MYOF: variants seen among roughly 807,000 people sequenced by gnomAD.
MYOF encodes the protein fer-1-like 3, myoferlin.
In MYOF, 244 loss-of-function variants were observed where a neutral mutation model predicts 284.2. The ratio of observed to expected loss-of-function variants is 0.86; its 90% CI spans 0.77 to 0.95. MYOF has a LOEUF of 0.95. Among genes scored for constraint, MYOF ranks in the 40% least tolerant of loss-of-function variants. The pLI is 0.00. For missense variants in MYOF, 2,496 were observed against 2,560.6 expected (o/e 0.97, Z 0.54); for synonymous variants, 904 against 919.7 (o/e 0.98, Z 0.31).
chr10:93,333,063 G>A (rs1258753364), intron 43 of MYOF, among the ~76,000 whole-genome samples, 158 bp downstream of exon 43: 1 of 152,000 alleles, frequency 6.6e-6, no homozygotes, highest in Non-Finnish European at 1.5e-5. Context: ...CTTTTATTTT[G>A]GGTTTATCTA....
chr10:93,445,024 A>T (rs1376914687), intron 3 of MYOF, among the ~76,000 whole-genome samples: 1 of 152,234 alleles, frequency 6.6e-6, no homozygotes, highest in Non-Finnish European at 1.5e-5. Flanking sequence ...CAGTATAAAA[A>T]TGCTTAAAAT....
chr10:93,470,654 G>A (rs770154805), intron 1 of MYOF, among the ~76,000 whole-genome samples: 2 of 152,012 alleles, frequency 1.3e-5, no homozygotes, highest in African/African-American at 4.8e-5. Flanking sequence ...TGCTCACCTC[G>A]GCCTCCCAAA....
At chr10:93,408,340 C>T (rs1172026997) in intron 7 of MYOF, among the ~76,000 whole-genome samples, 2 of 151,994 alleles carry the variant, frequency 1.3e-5, no homozygotes, top group Non-Finnish European at 2.9e-5. Context: ...TTCAGGAGTT[C>T]GAGACCAGAC....
chr10:93,394,661 C>A (rs1276319083), intron 16 of MYOF, among the ~76,000 whole-genome samples: 1 of 148,692 alleles, frequency 6.7e-6, no homozygotes, highest in Non-Finnish European at 1.5e-5. Flanking sequence ...GGGGTTTCAC[C>A]GTGTTAGCCA....
chr10:93,318,673 G>A (rs1323525446), intron 49 of MYOF, among the ~76,000 whole-genome samples: 2 of 152,046 alleles, frequency 1.3e-5, no homozygotes, highest in Non-Finnish European at 2.9e-5. Flanking sequence ...CAGGAGAATA[G>A]CTTGAATCCA....
In MYOF at chr10:93,340,053, C is replaced by T. The variant is rs963366690; in HGVS notation, c.4338+100G>A. On this transcript the variant is annotated intron_variant, in intron 39 of 53. Transcript: ENST00000359263. ...CAAGATCGCGCCACTGCACTCCAGC[C>T]TGGGTGAAAGAGCGAGACTCCTTCT... 1.7e-5 allele frequency: 22 copies of T among 1,331,586 alleles called. No homozygotes were observed. In the East Asian group the frequency reaches 5.3e-4, roughly 32 times the overall value. 82.5% of individuals were successfully genotyped at this position (1,331,586 alleles called of 1,614,324 possible).
intron 5 of MYOF, among the ~76,000 whole-genome samples, chr10:93,418,246 T>A (rs1440648345): frequency 6.6e-6 from 1 of 152,190 alleles, no homozygotes; most frequent in Admixed American, 6.5e-5. Flanking sequence ...CAGTGTAAGC[T>A]AAAAGGACAA....
Position 93,408,876 on chromosome 10 carries a change from T to C in MYOF, c.640A>G (p.Asn214Asp). 1 of 1,614,222 alleles carries C rather than the reference T, an allele frequency of 6.2e-7. No homozygotes were observed. The highest frequency in any genetic ancestry group is 8.5e-7 in the Non-Finnish European group (1 of 1,180,028). ...RVIEGRQLSG[N>D]NIRPVVKVHV... ...ACTTTGACCACAGGCCTTATGTTGT[T>C]ACCACTTAACTGTCGGCCCTCAATC... The change falls in exon 7 of 54, where the codon AAC (asparagine) becomes GAC (aspartate). Residue 214 changes from asparagine (N) to aspartate (D), a missense_variant. By Grantham distance (23) the Asn-to-Asp change is conservative. Around this residue, in one of 3 missense-constraint regions of MYOF, gnomAD observed 2,436 missense variants for 2,480.7 expected, o/e 0.98. Transcript: ENST00000359263.
chr10:93,464,484 G>A (rs760026846), intron 1 of MYOF, among the ~76,000 whole-genome samples: 4 of 152,114 alleles, frequency 2.6e-5, no homozygotes, highest in African/African-American at 7.2e-5. Context: ...AATACACACC[G>A]TCTCACTGAT....
chr10:93,380,113 G>A (rs1846045208), intron 20 of MYOF, 126 bp from the exon 21 acceptor site: 5 of 1,214,250 alleles, frequency 4.1e-6, no homozygotes, highest in Admixed American at 5.0e-5. Flanking sequence ...GAGGTGGTCT[G>A]GTTCTTTAAT....
intron 17 of MYOF, 44 bp downstream of exon 17, chr10:93,392,873 T>C (rs1428349254): frequency 1.3e-6 from 2 of 1,540,104 alleles, no homozygotes; most frequent in South Asian, 1.1e-5. Context: ...AAGATAATAT[T>C]AGCTAGGAAG....
chr10:93,313,362 A>G, intron 50 of MYOF, 152 bp from the exon 51 acceptor site: 1 of 676,680 alleles, frequency 1.5e-6, no homozygotes, highest in African/African-American at 1.8e-5. Context: ...GTGGACATTT[A>G]AAGTCTTTCC....
At chr10:93,342,968 A>C (rs901472276) in intron 38 of MYOF, among the ~76,000 whole-genome samples, 1 of 152,206 alleles carries the variant, frequency 6.6e-6, no homozygotes, top group African/African-American at 2.4e-5. Flanking sequence ...AGAATCAAAC[A>C]CACTGCTGCA....
intron 21 of MYOF, among the ~76,000 whole-genome samples, 177 bp from the exon 22 acceptor site, chr10:93,377,606 A>G (rs1207292100): frequency 6.6e-6 from 1 of 152,232 alleles, no homozygotes; most frequent in East Asian, 1.9e-4. Context: ...CCAGAAATAA[A>G]ACAGATCTAA....
intron 40 of MYOF, among the ~76,000 whole-genome samples, chr10:93,336,596 A>G (rs1240666811): frequency 6.6e-6 from 1 of 152,192 alleles, no homozygotes; most frequent in African/African-American, 2.4e-5. Flanking sequence ...AATTGACTGG[A>G]AAGGGACACG....
chr10:93,344,044 G>A lies in MYOF; in HGVS notation c.4250-112C>T, dbSNP rs544246632. On this transcript the variant is annotated intron_variant, in intron 37 of 53. Coordinates refer to ENST00000359263, the MANE Select transcript of MYOF (RefSeq NM_013451.4). ...AGGGTGGATGGTAGAGTTTATTCTTGGATGGGACTTACAGAATAGAGAGGA... is the reference window on the plus strand; with the variant it reads ...AGGGTGGATGGTAGAGTTTATTCTTAGATGGGACTTACAGAATAGAGAGGA... 3.4e-5 allele frequency: 37 copies of A among 1,090,640 alleles called. No homozygotes were observed. The East Asian group carries it at 8.7e-4, about 26-fold the overall frequency. The allele number at this position is 1,090,640 out of a possible 1,614,324, so 67.6% of individuals were successfully genotyped here.
At chr10:93,339,601 C>T (rs937269830) in intron 39 of MYOF, among the ~76,000 whole-genome samples, 42 of 140,468 alleles carry the variant, frequency 3.0e-4, no homozygotes, top group African/African-American at 1.0e-3. Flanking sequence ...TCCCGAAAAT[C>T]TGGGATTACA....
At chr10:93,427,822 A>G (rs1392291937) in intron 4 of MYOF, among the ~76,000 whole-genome samples, 3 of 151,628 alleles carry the variant, frequency 2.0e-5, no homozygotes, top group African/African-American at 7.3e-5. Flanking sequence ...GCTGAGATCA[A>G]TTTCTCACAT....
chr10:93,396,625 C>A (rs1847023881), intron 15 of MYOF, among the ~76,000 whole-genome samples: 1 of 152,146 alleles, frequency 6.6e-6, no homozygotes, highest in African/African-American at 2.4e-5. Context: ...ATACCATTGT[C>A]ATAAAATGAA....
Sources: gnomAD v4.1 joint callset for allele counts (sites outside exome capture counted in the v4.1 genomes callset) on GRCh38, gnomAD v4.1.1 for gene constraint, gnomAD v4.1.1 regional missense constraint, MANE v1.5 for transcripts, NCBI Gene and HGNC (gene_info 2026-07-23, HGNC 2026-07-21) for gene names.